Variants in DLG2 observed in about 807,000 individuals in gnomAD.
The protein encoded by DLG2 is disks large homolog 2.
A neutral mutation model predicts 132.5 loss-of-function variants in DLG2; 45 were observed. That is an observed-to-expected ratio of 0.34 (90% CI 0.27 to 0.44). DLG2 has a LOEUF of 0.44. Among genes scored for constraint, DLG2 ranks in the 20% least tolerant of loss-of-function variants. The pLI, the probability that DLG2 is intolerant of heterozygous loss-of-function variation, is 1.00. For synonymous variants in DLG2, 424 were observed against 419.6 expected, an observed-to-expected ratio of 1.01 and a Z score of -0.13; for missense variants, 1,045 against 1,196.9, an observed-to-expected ratio of 0.87 and a Z score of 1.87.
intron 12 of DLG2, among the ~76,000 whole-genome samples, chr11:83,967,820 CT>C (rs1489034166): frequency 6.6e-6 from 1 of 152,120 alleles, no homozygotes; most frequent in Non-Finnish European, 1.5e-5. Flanking sequence ...AGCTTTTCCC[CT>C]ATGTTCTTTT....
chr11:84,343,901 C>T (rs996639602), intron 7 of DLG2, among the ~76,000 whole-genome samples: 2 of 151,932 alleles, frequency 1.3e-5, no homozygotes, highest in African/African-American at 4.8e-5. Context: ...TGAATACCAA[C>T]TATTTATATT....
intron 5 of DLG2, among the ~76,000 whole-genome samples, chr11:85,141,150 C>G (rs1346472663): frequency 6.6e-6 from 1 of 151,856 alleles, no homozygotes; most frequent in Non-Finnish European, 1.5e-5. Context: ...CCATACTCCT[C>G]TCCATAGTGG....
At chr11:84,350,709 T>C (rs150404397) in intron 7 of DLG2, among the ~76,000 whole-genome samples, 2 of 152,372 alleles carry the variant, frequency 1.3e-5, no homozygotes, top group East Asian at 3.9e-4. Context: ...CTAATGAATA[T>C]GGCTCTACTT....
chr11:85,139,927 T>C (rs2076358551), intron 5 of DLG2, among the ~76,000 whole-genome samples: 1 of 152,024 alleles, frequency 6.6e-6, no homozygotes, highest in African/African-American at 2.4e-5. Context: ...TTTTCCTTTC[T>C]GTGTCTGGCT....
rs1476154453 is a variant in DLG2, at chr11:84,196,864, A to G, written c.574-33353T>C. On this transcript the variant is annotated intron_variant, in intron 8 of 27. Coordinates refer to ENST00000376104, the MANE Select transcript of DLG2 (RefSeq NM_001142699.3). ...AGATCAGCCTAGTCAACAAGGCGAA[A>G]CAACTCTACTAAAAATACAAAAATT... 6.6e-5 allele frequency among the ~76,000 whole-genome samples: 10 copies of G among 151,776 alleles called. No individual in the cohort carries two copies. In the East Asian group the frequency reaches 1.8e-3, roughly 27 times the overall value.
intron 6 of DLG2, among the ~76,000 whole-genome samples, chr11:85,072,920 C>T (rs1227755657): frequency 6.6e-6 from 1 of 151,780 alleles, no homozygotes; most frequent in East Asian, 1.9e-4. Flanking sequence ...GGTCTCACAT[C>T]CCATCAGGCT....
intron 6 of DLG2, among the ~76,000 whole-genome samples, chr11:84,928,175 G>A (rs145439710): frequency 2.0e-5 from 3 of 152,036 alleles, no homozygotes; most frequent in Non-Finnish European, 4.4e-5. Flanking sequence ...TTCTGAGATG[G>A]ATGCCACTTG....
intron 16 of DLG2, among the ~76,000 whole-genome samples, chr11:83,859,175 T>A (rs1259561861): frequency 6.6e-6 from 1 of 152,176 alleles, no homozygotes; most frequent in African/African-American, 2.4e-5. Context: ...GTAAATTGGT[T>A]TGGGGAGTGG....
chr11:84,591,225 G>C (rs78822273), intron 6 of DLG2, among the ~76,000 whole-genome samples: 31 of 78,272 alleles, frequency 4.0e-4, no homozygotes, highest in East Asian at 1.2e-3. Flanking sequence ...GTGTCTCTCT[G>C]TGTGTGTGTG....
At chr11:85,455,732 AG>A in intron 3 of DLG2, among the ~76,000 whole-genome samples, 1 of 152,254 alleles carries the variant, frequency 6.6e-6, no homozygotes, top group East Asian at 1.9e-4. Flanking sequence ...TTTTACATAA[AG>A]GGATGTTAAA....
intron 9 of DLG2, among the ~76,000 whole-genome samples, chr11:84,125,161 T>C (rs1031158354): frequency 1.3e-5 from 2 of 152,152 alleles, no homozygotes; most frequent in South Asian, 2.1e-4. Context: ...GTTTTCACTT[T>C]TTATTAGTCA....
At chr11:83,947,596 T>TTAA (rs1194161483) in intron 14 of DLG2, among the ~76,000 whole-genome samples, 1 of 152,180 alleles carries the variant, frequency 6.6e-6, no homozygotes, top group Non-Finnish European at 1.5e-5. Flanking sequence ...AAAGTCAACA[T>TTAA]TAATAATAAT....
chr11:84,379,941 A>T (rs1244687951), intron 7 of DLG2, among the ~76,000 whole-genome samples: 1 of 152,058 alleles, frequency 6.6e-6, no homozygotes, highest in African/African-American at 2.4e-5. Flanking sequence ...ACAGACTTTA[A>T]AATCAACCCA....
chr11:85,059,137 T>G (rs941451819), intron 6 of DLG2, among the ~76,000 whole-genome samples: 3 of 151,088 alleles, frequency 2.0e-5, no homozygotes, highest in African/African-American at 7.3e-5. Flanking sequence ...AGAATACATA[T>G]AAATCAGTAA....
chr11:83,950,916 G>GC (rs1008631203), intron 14 of DLG2, among the ~76,000 whole-genome samples: 44 of 151,178 alleles, frequency 2.9e-4, no homozygotes, highest in Admixed American at 1.4e-3. Flanking sequence ...TTATTTGCCT[G>GC]CCCCCCCCTC....
At chr11:84,804,088 T>C (rs2075731306) in intron 6 of DLG2, among the ~76,000 whole-genome samples, 1 of 152,212 alleles carries the variant, frequency 6.6e-6, no homozygotes, top group African/African-American at 2.4e-5. Context: ...TTAAGAATGA[T>C]GGATACAGTG....
chr11:84,387,874 T>C (rs2098777239), intron 7 of DLG2, among the ~76,000 whole-genome samples: 1 of 152,210 alleles, frequency 6.6e-6, no homozygotes. Flanking sequence ...AGTGTCAATG[T>C]TATGAGAAGG....
At chr11:85,440,034 T>A (rs1204335982) in intron 3 of DLG2, among the ~76,000 whole-genome samples, 1 of 152,196 alleles carries the variant, frequency 6.6e-6, no homozygotes, top group African/African-American at 2.4e-5. Context: ...CTATATGGCT[T>A]AGGTAGGTTA....
At chr11:84,331,559 G>A (rs1215707459) in intron 7 of DLG2, among the ~76,000 whole-genome samples, 1 of 150,384 alleles carries the variant, frequency 6.6e-6, no homozygotes, top group East Asian at 2.0e-4. Context: ...CTTGATGGAG[G>A]AGGTGGGTCG....
Sources: gnomAD v4.1 joint callset for allele counts (sites outside exome capture counted in the v4.1 genomes callset) on GRCh38, gnomAD v4.1.1 for gene constraint, MANE v1.5 for transcripts, NCBI Gene and HGNC (gene_info 2026-07-23, HGNC 2026-07-21) for gene names.